CLVS1: variants seen among roughly 807,000 people sequenced by gnomAD.
The protein encoded by CLVS1 is clavesin 1.
Under a neutral mutation model 33.1 loss-of-function variants are expected in CLVS1, and 10 were observed. That is an observed-to-expected ratio of 0.30 (90% confidence interval 0.19 to 0.51). CLVS1 has a LOEUF of 0.51. CLVS1 is among the 20% of genes least tolerant of loss of function. CLVS1 has a pLI of 0.97. For synonymous variants in CLVS1, 163 were observed against 166.1 expected (o/e 0.98, Z 0.14); for missense variants, 343 against 433.4 (o/e 0.79, Z 1.85).
rs73252867 is a variant in CLVS1 at position 61,071,804 on chromosome 8, C to T, written c.-243+14574C>T. 6.9e-3 allele frequency among the ~76,000 whole-genome samples: 1,051 copies of T among 152,290 alleles called. 10 individuals are homozygous for T. The highest frequency in any genetic ancestry group is 0.023 in the African/African-American group (940 of 41,556). Reference sequence around the variant, plus strand: ...TTTCCTTTAAGTACATGCAAATGCACATACAAGTTGACTTTGAAAGTCAGC... The same window carrying T: ...TTTCCTTTAAGTACATGCAAATGCATATACAAGTTGACTTTGAAAGTCAGC... On this transcript the variant is annotated intron_variant, in intron 1 of 2. Transcript: ENST00000522621.
At chr8:61,359,716 A>G (rs1812892423) in intron 2 of CLVS1, among the ~76,000 whole-genome samples, 1 of 152,152 alleles carries the variant, frequency 6.6e-6, no homozygotes, top group Non-Finnish European at 1.5e-5. Context: ...ATATGACTGC[A>G]TTTTACTAAT....
chr8:61,005,410 T>G, the CLVS1 span, among the ~76,000 whole-genome samples: 4 of 146,506 alleles, frequency 2.7e-5, no homozygotes, highest in South Asian at 2.2e-4. Context: ...AACAACAGGG[T>G]GGCTTTTTTT....
the CLVS1 span, among the ~76,000 whole-genome samples, chr8:61,010,070 A>G: frequency 6.6e-6 from 1 of 152,208 alleles, no homozygotes; most frequent in Non-Finnish European, 1.5e-5. Context: ...GAATCAGTAA[A>G]TAGACAGCAG....
intron 2 of CLVS1, among the ~76,000 whole-genome samples, chr8:61,308,219 A>G (rs534476618): frequency 1.1e-4 from 16 of 152,306 alleles, no homozygotes; most frequent in African/African-American, 3.6e-4. Context: ...CAGTTTCAGT[A>G]TCACTAAGTT....
intron 2 of CLVS1, among the ~76,000 whole-genome samples, chr8:61,190,889 A>C (rs1216871962): frequency 6.6e-6 from 1 of 152,194 alleles, no homozygotes; most frequent in Non-Finnish European, 1.5e-5. Flanking sequence ...TTAATAGCTT[A>C]CCAATCAAAA....
At chr8:61,208,197 A>C (rs555306480) in intron 2 of CLVS1, among the ~76,000 whole-genome samples, 1 of 152,246 alleles carries the variant, frequency 6.6e-6, no homozygotes, top group African/African-American at 2.4e-5. Flanking sequence ...TCACCAGAAC[A>C]CTTGCTAAGG....
chr8:61,271,081 T>C (rs1231870171), intron 2 of CLVS1, among the ~76,000 whole-genome samples: 1 of 140,878 alleles, frequency 7.1e-6, no homozygotes, highest in East Asian at 2.1e-4. Flanking sequence ...TGCTCTTGCT[T>C]TTCTAGTTCT....
At chr8:61,236,067 G>C (rs768556708) in intron 2 of CLVS1, among the ~76,000 whole-genome samples, 2 of 152,176 alleles carry the variant, frequency 1.3e-5, no homozygotes, top group Non-Finnish European at 2.9e-5. Flanking sequence ...CACCCTTGGT[G>C]AGAAAGCAAA....
At chr8:61,226,016 C>T (rs796987669) in intron 2 of CLVS1, among the ~76,000 whole-genome samples, 1 of 152,190 alleles carries the variant, frequency 6.6e-6, no homozygotes, top group Admixed American at 6.5e-5. Context: ...GTTACCATGG[C>T]AAAGTCATCT....
At chr8:61,147,040 C>T (rs1345699235) in intron 2 of CLVS1, among the ~76,000 whole-genome samples, 1 of 152,138 alleles carries the variant, frequency 6.6e-6, no homozygotes, top group East Asian at 1.9e-4. Flanking sequence ...CAGATCAGGG[C>T]AATAGCAACC....
intron 2 of CLVS1, among the ~76,000 whole-genome samples, chr8:61,132,083 C>T (rs1316426235): frequency 1.3e-5 from 2 of 152,248 alleles, no homozygotes; most frequent in Non-Finnish European, 2.9e-5. Flanking sequence ...GACACTCACA[C>T]ATAAAAGTCT....
chr8:61,270,082 C>T (rs988190144), intron 2 of CLVS1, among the ~76,000 whole-genome samples: 1 of 152,120 alleles, frequency 6.6e-6, no homozygotes, highest in Non-Finnish European at 1.5e-5. Flanking sequence ...GGGCATCCCT[C>T]TCTTGTGCCA....
intron 1 of CLVS1, among the ~76,000 whole-genome samples, chr8:61,067,910 C>G (rs950298303): frequency 9.9e-5 from 15 of 151,908 alleles, no homozygotes; most frequent in African/African-American, 3.1e-4. Context: ...CAACCATACC[C>G]CAAACCTCAG....
the CLVS1 span, among the ~76,000 whole-genome samples, chr8:61,051,831 C>T: frequency 6.6e-6 from 1 of 152,254 alleles, no homozygotes; most frequent in Non-Finnish European, 1.5e-5. Context: ...ACTGCAGCTG[C>T]CAGGCCATCC....
intron 2 of CLVS1, among the ~76,000 whole-genome samples, chr8:61,162,110 C>T (rs1398855783): frequency 6.6e-6 from 1 of 152,158 alleles, no homozygotes; most frequent in African/African-American, 2.4e-5. Context: ...CTTGGAGAAA[C>T]TTTGTCCCAG....
rs185475834 is a variant in CLVS1 at position 61,353,564 on chromosome 8, G to T, written c.456-23041G>T. ...CCAACTAAATGAAAATGAAAACGCAGCATATCCACATATATGAGATGCAGA... is the reference window on the plus strand; with the variant it reads ...CCAACTAAATGAAAATGAAAACGCATCATATCCACATATATGAGATGCAGA... On this transcript the variant is annotated intron_variant, in intron 2 of 5. Coordinates refer to ENST00000325897, the MANE Select transcript of CLVS1 (RefSeq NM_173519.3). Among the ~76,000 whole-genome samples, 110 of 151,824 alleles carry T rather than the reference G, an allele frequency of 7.2e-4. 1 individual carries two copies. Among genetic ancestry groups the T allele is most frequent in the Non-Finnish European group, 6.3e-4 (43 of 67,840 alleles).
the CLVS1 span, among the ~76,000 whole-genome samples, chr8:61,038,574 G>T: frequency 6.6e-6 from 1 of 151,906 alleles, no homozygotes; most frequent in African/African-American, 2.4e-5. Flanking sequence ...TTGTGGAATG[G>T]ATTGCTAAGG....
At chr8:61,300,570 A>G (rs1432105597) in intron 2 of CLVS1, 2 of 293,322 alleles carry the variant, frequency 6.8e-6, no homozygotes, top group East Asian at 6.7e-5. Context: ...GAAGAACCAT[A>G]TATTCTGTCT....
intron 2 of CLVS1, among the ~76,000 whole-genome samples, chr8:61,219,600 A>G (rs187073821): frequency 1.9e-4 from 29 of 152,346 alleles, no homozygotes; most frequent in African/African-American, 6.5e-4. Flanking sequence ...ATAGTGCTGC[A>G]ATAAACATAT....
Sources: allele counts gnomAD v4.1 joint callset (sites outside exome capture counted in the v4.1 genomes callset), GRCh38; gene constraint gnomAD v4.1.1; transcripts MANE v1.5; gene names NCBI Gene and HGNC (gene_info 2026-07-23, HGNC 2026-07-21).